VWC2L: variants seen among roughly 807,000 people sequenced by gnomAD.
The protein encoded by VWC2L is von Willebrand factor C domain-containing protein 2-like.
In VWC2L, 10 loss-of-function variants were observed where a neutral mutation model predicts 21.6. The observed-to-expected ratio is 0.46, with a 90% CI of 0.29 to 0.78. The LOEUF (loss-of-function observed/expected upper bound fraction) is 0.78, where lower values mean the gene tolerates loss of function less well. VWC2L is among the 30% of genes least tolerant of loss of function. The probability of loss-of-function intolerance (pLI) is 0.10; values close to 1 mark genes in which losing one functional copy is unlikely to be tolerated. For synonymous variants in VWC2L, 96 were observed against 94.3 expected, an observed-to-expected ratio of 1.02 and a Z score of -0.10; for missense variants, 209 against 277.1, an observed-to-expected ratio of 0.75 and a Z score of 1.74.
intron 2 of VWC2L, among the ~76,000 whole-genome samples, chr2:214,430,675 T>G (rs1702587767): frequency 6.6e-6 from 1 of 152,186 alleles, no homozygotes; most frequent in Non-Finnish European, 1.5e-5. Flanking sequence ...AATGAAATGT[T>G]TTTTGATAGA....
intron 3 of VWC2L, among the ~76,000 whole-genome samples, chr2:214,515,008 T>C (rs1291581277): frequency 2.0e-5 from 3 of 152,120 alleles, no homozygotes; most frequent in Non-Finnish European, 4.4e-5. Flanking sequence ...CAAGAAGAGA[T>C]AAAAATGTTA....
chr2:214,566,310 T>G (rs1690061229), intron 3 of VWC2L, among the ~76,000 whole-genome samples: 1 of 152,136 alleles, frequency 6.6e-6, no homozygotes, highest in African/African-American at 2.4e-5. Context: ...TTTCCTGAAA[T>G]TAGGAAAAGA....
At chr2:214,489,866 C>T (rs1232111819) in intron 3 of VWC2L, among the ~76,000 whole-genome samples, 3 of 152,126 alleles carry the variant, frequency 2.0e-5, no homozygotes, top group South Asian at 2.1e-4. Context: ...TCACCTTGGC[C>T]GTGTCCAGCA....
chr2:214,565,021 G>A (rs1471955884), intron 3 of VWC2L, among the ~76,000 whole-genome samples: 1 of 152,000 alleles, frequency 6.6e-6, no homozygotes, highest in African/African-American at 2.4e-5. Context: ...ACTAAAATAG[G>A]ATCCTATTAT....
chr2:214,523,505 A>G (rs1158602896), intron 3 of VWC2L, among the ~76,000 whole-genome samples: 1 of 152,220 alleles, frequency 6.6e-6, no homozygotes, highest in Admixed American at 6.5e-5. Context: ...GCAAAAAAAA[A>G]TTACTTGTGA....
chr2:214,571,752 C>T (rs2105934663), intron 3 of VWC2L, among the ~76,000 whole-genome samples: 1 of 152,260 alleles, frequency 6.6e-6, no homozygotes, highest in Admixed American at 6.5e-5. Context: ...CATTCACATT[C>T]TTTCATTCAT....
chr2:214,497,540 A>G (rs1688829636), intron 3 of VWC2L, among the ~76,000 whole-genome samples: 1 of 152,016 alleles, frequency 6.6e-6, no homozygotes, highest in Non-Finnish European at 1.5e-5. Flanking sequence ...TTCTTTGTTG[A>G]TTTTCCCATT....
chr2:214,557,534 C>T (rs1352611702), intron 3 of VWC2L, among the ~76,000 whole-genome samples: 3 of 152,138 alleles, frequency 2.0e-5, no homozygotes, highest in Non-Finnish European at 2.9e-5. Context: ...ATTGATACCA[C>T]TACAAATTAT....
At chr2:214,427,811 AATGTAAATGCT>A (rs1559287723) in intron 2 of VWC2L, among the ~76,000 whole-genome samples, 1 of 152,168 alleles carries the variant, frequency 6.6e-6, no homozygotes, top group Non-Finnish European at 1.5e-5. Flanking sequence ...TTTCAAATAC[AATGTAAATGCT>A]GTGTAATAGT....
chr2:214,473,918 T>A (rs1297954036), intron 3 of VWC2L: 1 of 152,166 alleles, frequency 6.6e-6, no homozygotes, highest in Admixed American at 6.5e-5. Flanking sequence ...AGTTAAATGG[T>A]CATCTTGGTC....
chr2:214,442,749 T>A (rs908480798), intron 3 of VWC2L, among the ~76,000 whole-genome samples: 1 of 152,074 alleles, frequency 6.6e-6, no homozygotes, highest in East Asian at 1.9e-4. Flanking sequence ...CTTTCTTTTT[T>A]AAAATGGTAT....
intron 3 of VWC2L, among the ~76,000 whole-genome samples, chr2:214,544,111 C>G (rs1055040226): frequency 6.6e-6 from 1 of 152,190 alleles, no homozygotes; most frequent in East Asian, 1.9e-4. Flanking sequence ...TGATAAGACA[C>G]AGACTCAAAA....
intron 3 of VWC2L, among the ~76,000 whole-genome samples, chr2:214,476,568 G>A (rs981173356): frequency 2.0e-5 from 3 of 152,282 alleles, no homozygotes; most frequent in Middle Eastern, 3.4e-3. Context: ...TAGTTACCTA[G>A]TGAGCTAATG....
intron 3 of VWC2L, among the ~76,000 whole-genome samples, chr2:214,518,510 GCCAAGCTAA>G (rs1211295024): frequency 6.6e-6 from 1 of 152,162 alleles, no homozygotes; most frequent in Non-Finnish European, 1.5e-5. Context: ...TATGATAGAT[GCCAAGCTAA>G]GTTCCCTTCT....
chr2:214,547,819 T>C (rs1043233530), intron 3 of VWC2L, among the ~76,000 whole-genome samples: 2 of 152,176 alleles, frequency 1.3e-5, no homozygotes, highest in Non-Finnish European at 2.9e-5. Flanking sequence ...CTTTATCAAT[T>C]CTTAGCTTAG....
chr2:214,449,315 G>C (rs1309448863), intron 3 of VWC2L, among the ~76,000 whole-genome samples: 1 of 152,058 alleles, frequency 6.6e-6, no homozygotes, highest in African/African-American at 2.4e-5. Flanking sequence ...GGGGTTGATT[G>C]GACTTTTTAA....
intron 3 of VWC2L, among the ~76,000 whole-genome samples, chr2:214,467,741 A>T (rs1412593191): frequency 1.3e-5 from 2 of 152,202 alleles, no homozygotes; most frequent in East Asian, 3.8e-4. Flanking sequence ...TTAAAACGTA[A>T]TATTCATTGT....
At chr2:214,431,551 C>T (rs543611135) in intron 2 of VWC2L, among the ~76,000 whole-genome samples, 3 of 152,210 alleles carry the variant, frequency 2.0e-5, no homozygotes, top group Admixed American at 6.5e-5. Context: ...CATCTATTTG[C>T]GTATCCGTCC....
chr2:214,414,729 C>A, intron 2 of VWC2L, 146 bp downstream of exon 2: 2 of 872,612 alleles, frequency 2.3e-6, no homozygotes, highest in Non-Finnish European at 3.4e-6. Flanking sequence ...CCATAAGTAG[C>A]ACCATGGTCA....
Sources: gnomAD v4.1 joint callset for allele counts (sites outside exome capture counted in the v4.1 genomes callset) on GRCh38, gnomAD v4.1.1 for gene constraint, MANE v1.5 for transcripts, NCBI Gene and HGNC (gene_info 2026-07-23, HGNC 2026-07-21) for gene names.